The following CAPG variants were observed in gnomAD, a reference collection of about 807,000 sequenced individuals.
CAPG encodes macrophage-capping protein.
CAPG carries 32 observed loss-of-function variants against 44.6 expected under a neutral mutation model. The ratio of observed to expected loss-of-function variants is 0.72; its 90% confidence interval spans 0.54 to 0.96. The LOEUF is 0.96. Among genes scored for constraint, CAPG ranks in the 50% least tolerant of loss-of-function variants. The probability of loss-of-function intolerance (pLI) is 0.00; values close to 1 mark genes in which losing one functional copy is unlikely to be tolerated. For synonymous variants in CAPG, 175 were observed against 179.6 expected, an observed-to-expected ratio of 0.97 and a Z score of 0.20; for missense variants, 412 against 438.3, an observed-to-expected ratio of 0.94 and a Z score of 0.54.
chr2:85,398,152 C>A lies in CAPG; in HGVS notation c.760G>T (p.Val254Phe). The stretch of plus-strand genomic sequence containing the variant: ...TTCATCTGTCCAGTGGCATCAGAGA[C>A]CTGGGGAGGAGGGACAGTGCCTGAT... ...ANAQAAALYK[V>F]SDATGQMNLT... Residue 254 changes from valine to phenylalanine, a missense_variant and splice_region_variant, in exon 8 of 10, where the codon GTC becomes TTC. Val to Phe is a conservative substitution (Grantham distance 50, BLOSUM62 -1). Transcript: ENST00000263867. 6.2e-7 allele frequency: 1 copy of A among 1,613,150 alleles called. No homozygotes were observed. Among genetic ancestry groups the A allele is most frequent in the Non-Finnish European group, 8.5e-7 (1 of 1,179,814 alleles).
intron 1 of CAPG, among the ~76,000 whole-genome samples, chr2:85,409,261 A>G (rs75091150): frequency 0.049 from 7,447 of 152,276 alleles, 272 homozygotes; most frequent in Middle Eastern, 0.075. Context: ...AGGCTGGAGC[A>G]GCCCCAGGAG....
In CAPG at chr2:85,394,954, T is replaced by C. The variant is rs1022880419; in HGVS notation, c.986A>G (p.Glu329Gly). 6.2e-7 allele frequency: 1 copy of C among 1,611,118 alleles called. No homozygotes were observed. The highest frequency in any genetic ancestry group is 8.5e-7 in the Non-Finnish European group (1 of 1,177,272). The change falls in exon 10 of 10, where the codon GAG (glutamate) becomes GGG (glycine). Residue 329 changes from glutamate to glycine, a missense_variant. Coordinates refer to ENST00000263867, the MANE Select transcript of CAPG (RefSeq NM_001747.4). The stretch of plus-strand genomic sequence containing the variant: ...ACTCTCATGGCCCTGAGGCAGAATC[T>C]CCACCTGCAGGGACAGCGGGGGAGA... ...RMQYAPNTQV[E>G]ILPQGHESPI...
chr2:85,398,179 T>G, intron 7 of CAPG, 27 bp from the exon 8 acceptor site: 2 of 1,608,690 alleles, frequency 1.2e-6, no homozygotes, highest in Admixed American at 3.3e-5. Flanking sequence ...GTGCCTGATC[T>G]CACCCCCCAC....
chr2:85,395,065 G>A lies in CAPG; in HGVS notation c.982-107C>T. On this transcript the variant is annotated intron_variant, in intron 9 of 9. Transcript: ENST00000263867. The surrounding 1 kb of genome is among the most constrained non-coding windows in gnomAD (Gnocchi z 4.3). ...CCAGGGAGGAGGGTGTGGGCGCCTG[G>A]CCTGAATCCATGTGCAGTCCAGGCT... The A allele has an allele frequency of 1.3e-6, 1 of 764,734 alleles. No homozygotes were observed. The highest frequency in any genetic ancestry group is 2.3e-6 in the Non-Finnish European group (1 of 434,366). 47.4% of individuals were successfully genotyped at this position (764,734 alleles called of 1,614,324 possible).
intron 1 of CAPG, among the ~76,000 whole-genome samples, chr2:85,406,758 T>G (rs1687180287): frequency 6.6e-6 from 1 of 151,372 alleles, no homozygotes; most frequent in Non-Finnish European, 1.5e-5. Context: ...TTCGGGAGGC[T>G]GAGGCAGGAG....
In CAPG at chr2:85,401,226, T is replaced by A. The variant is rs776864518; in HGVS notation, c.455A>T (p.Glu152Val). ...VKGKKNIRAT[E>V]RALNWDSFNT... ...GAAGCTGTCCCAGTTCAGTGCCCGC[T>A]CGGTGGCACGGATGTTCTTCTTCCC... The change falls in exon 5 of 10, where the codon GAG becomes GTG. Residue 152 changes from glutamate to valine, a missense_variant. Physicochemically the swap from Glu to Val is moderately radical, Grantham distance 121. Coordinates refer to ENST00000263867, the MANE Select transcript of CAPG (RefSeq NM_001747.4). 6.2e-7 allele frequency: 1 copy of A among 1,614,158 alleles called. No homozygotes were observed. The highest frequency in any genetic ancestry group is 8.5e-7 in the Non-Finnish European group (1 of 1,180,034).
Position 85,395,352 on chromosome 2 carries a change from A to T in CAPG, c.981+186T>A. 6 of 611,178 alleles carry T rather than the reference A, an allele frequency of 9.8e-6. No individual in the cohort carries two copies. In the South Asian group the frequency reaches 1.2e-4, roughly 12 times the overall value. The allele number at this position is 611,178 out of a possible 1,614,324, so 37.9% of individuals were successfully genotyped here. ...AGAGTGCTGCCCAACATCCTCTTTG[A>T]AAATAATAAGTATTTTGACATTTTG... On this transcript the variant is annotated intron_variant, in intron 9 of 9. Coordinates refer to ENST00000263867, the MANE Select transcript of CAPG (RefSeq NM_001747.4). The surrounding 1 kb of genome is among the most constrained non-coding windows in gnomAD (Gnocchi z 4.3).
At position 85,401,985 on chromosome 2, in the gene CAPG, G is replaced by C. The variant is rs772310920; in HGVS notation, c.24-28C>G. ...GCGAGAAGAGAGAGGGTTGACAGCAGCCTGGACCCACTTGCCCAAGCACAG... is the reference window on the plus strand; with the variant it reads ...GCGAGAAGAGAGAGGGTTGACAGCACCCTGGACCCACTTGCCCAAGCACAG... On this transcript the variant is annotated intron_variant, in intron 2 of 9. Transcript: ENST00000263867. 9 of 1,613,750 alleles carry C rather than the reference G, an allele frequency of 5.6e-6. No homozygotes were observed. In the African/African-American group the frequency reaches 1.2e-4, roughly 22 times the overall value.
upstream of CAPG, chr2:85,413,113 T>C (rs1327230674): frequency 6.6e-6 from 1 of 152,192 alleles, no homozygotes; most frequent in East Asian, 1.9e-4. Flanking sequence ...GCTGGAAAGC[T>C]TCATAGATTT....
At position 85,402,171 on chromosome 2, in the gene CAPG, A is replaced by T. The variant is rs1427424916; in HGVS notation, c.-13-13T>A. The T allele has an allele frequency of 6.3e-7, 1 of 1,587,378 alleles. No individual in the cohort carries two copies. The highest frequency in any genetic ancestry group is 1.8e-5 in the Admixed American group (1 of 56,804). On this transcript the variant is annotated splice_polypyrimidine_tract_variant and intron_variant, in intron 1 of 9. Transcript: ENST00000263867. ...GCTGTCTTCAGATCTGGAAAGAAAG[A>T]AGAAGCCATTATTATTACAAATGCC...
At chr2:85,408,376 A>ACACACACACACACACACC (rs1687268716) in intron 1 of CAPG, among the ~76,000 whole-genome samples, 1 of 147,990 alleles carries the variant, frequency 6.8e-6, no homozygotes. Context: ...ACACACACAC[A>ACACACACACACACACACC]CACAAGCCCC....
chr2:85,400,005 T>G (rs1686806240), intron 5 of CAPG, among the ~76,000 whole-genome samples: 1 of 152,176 alleles, frequency 6.6e-6, no homozygotes, highest in Admixed American at 6.5e-5. Context: ...CCTCCCAAAG[T>G]GCTGGGATTA....
At chr2:85,417,155 C>T (rs1308838675) in intron 1 of CAPG, among the ~76,000 whole-genome samples, 1 of 152,180 alleles carries the variant, frequency 6.6e-6, no homozygotes, top group East Asian at 1.9e-4. Flanking sequence ...GTACAGCCAG[C>T]GTCACACTGG....
At chr2:85,399,105 C>T (rs1413481381) in intron 6 of CAPG, 31 bp downstream of exon 6, 1 of 1,607,880 alleles carries the variant, frequency 6.2e-7, no homozygotes, top group East Asian at 2.2e-5. Flanking sequence ...CAAGCAGAGG[C>T]TCCCAGCCAC....
chr2:85,400,032 C>G (rs1456538017), intron 5 of CAPG, among the ~76,000 whole-genome samples: 2 of 152,162 alleles, frequency 1.3e-5, no homozygotes, highest in African/African-American at 4.8e-5. Context: ...TGAGCAGCCA[C>G]GCCCAGCACC....
At position 85,395,573 on chromosome 2, in the gene CAPG, A is replaced by G; in HGVS notation, c.946T>C (p.Phe316Leu). 6.2e-7 allele frequency: 1 copy of G among 1,613,874 alleles called. No homozygotes were observed. Among genetic ancestry groups the G allele is most frequent in the South Asian group, 1.1e-5 (1 of 91,040 alleles). Residue 316 changes from phenylalanine to leucine, a missense_variant, in exon 9 of 10, where the codon TTC becomes CTC. Coordinates refer to ENST00000263867, the MANE Select transcript of CAPG (RefSeq NM_001747.4). This position sits in a 1 kb window ranked among gnomAD's most constrained non-coding sequence, Gnocchi z 4.3. ...RQAALQVAEG[F>L]ISRMQYAPNT... Reference sequence around the variant, plus strand: ...GGGGCGTACTGCATGCGCGAGATGAAGCCCTCGGCCACCTGCAGGGCTGCC... The same window carrying G: ...GGGGCGTACTGCATGCGCGAGATGAGGCCCTCGGCCACCTGCAGGGCTGCC...
At chr2:85,412,238 C>A (rs184479147), upstream of CAPG, among the ~76,000 whole-genome samples, 1 of 151,992 alleles carries the variant, frequency 6.6e-6, no homozygotes. Flanking sequence ...ATGGGCCGGG[C>A]GCGGTGGCTC....
In CAPG at chr2:85,398,187, C is replaced by T. The variant is rs201981620; in HGVS notation, c.760-35G>A. 1.1e-4 allele frequency: 180 copies of T among 1,605,938 alleles called. No individual in the cohort carries two copies. The African/African-American group carries it at 2.1e-3, about 19-fold the overall frequency. ...AGGGACAGTGCCTGATCTCACCCCC[C>T]ACACACCAGCCCTCACCTCAGCCTG... On this transcript the variant is annotated intron_variant, in intron 7 of 9. Coordinates refer to ENST00000263867, the MANE Select transcript of CAPG (RefSeq NM_001747.4).
At chr2:85,413,885 G>A (rs896403150), upstream of CAPG, 1 of 152,286 alleles carries the variant, frequency 6.6e-6, no homozygotes, top group African/African-American at 2.4e-5. Flanking sequence ...TGTGGGAGAA[G>A]AGGAGGGAGC....
Sources: gnomAD v4.1 joint callset for allele counts (sites outside exome capture counted in the v4.1 genomes callset) on GRCh38, gnomAD v4.1.1 for gene constraint, Gnocchi (gnomAD v3.1) non-coding constraint, MANE v1.5 for transcripts, NCBI Gene and HGNC (gene_info 2026-07-23, HGNC 2026-07-21) for gene names.